SEMA4F: variants seen among roughly 807,000 people sequenced by gnomAD.
SEMA4F encodes ssemaphorin 4F.
A neutral mutation model predicts 78.4 loss-of-function variants in SEMA4F; 51 were observed. The ratio of observed to expected loss-of-function variants is 0.65; its 90% CI spans 0.52 to 0.82. The LOEUF is 0.82. Among genes scored for constraint, SEMA4F ranks in the 40% least tolerant of loss-of-function variants. The probability of loss-of-function intolerance (pLI) is 0.00; values close to 1 mark genes in which losing one functional copy is unlikely to be tolerated. For synonymous variants in SEMA4F, 418 were observed against 408.7 expected (o/e 1.02, Z -0.27); for missense variants, 938 against 1,014.4 (o/e 0.92, Z 1.02).
downstream of SEMA4F, among the ~76,000 whole-genome samples, chr2:74,684,207 G>A (rs1212659587): frequency 1.3e-5 from 2 of 151,790 alleles, no homozygotes; most frequent in African/African-American, 4.8e-5. Context: ...AAGGGAATAT[G>A]AACCTACAGG....
At chr2:74,679,440 G>A in intron 13 of SEMA4F, 106 bp downstream of exon 13, 1 of 1,461,680 alleles carries the variant, frequency 6.8e-7, no homozygotes, top group South Asian at 1.2e-5. Context: ...CCTGGAAGAT[G>A]TGGCAGCCAG....
At chr2:74,684,742 T>G (rs151306126), downstream of SEMA4F, among the ~76,000 whole-genome samples, 1,425 of 152,232 alleles carry the variant, frequency 9.4e-3, 8 homozygotes, top group Non-Finnish European at 0.014. Flanking sequence ...GGCAGGCAGA[T>G]CACTTGAGCC....
chr2:74,690,473 G>GATTC, the SEMA4F span, among the ~76,000 whole-genome samples: 5 of 151,486 alleles, frequency 3.3e-5, no homozygotes, highest in Non-Finnish European at 5.9e-5. Context: ...AGAATGAAGA[G>GATTC]AAATGAAGAT....
intron 5 of SEMA4F, among the ~76,000 whole-genome samples, chr2:74,669,346 T>A (rs970272007): frequency 2.0e-5 from 3 of 151,648 alleles, no homozygotes; most frequent in African/African-American, 7.3e-5. Context: ...AGTACTTTGG[T>A]AGGCCGAGGT....
intron 7 of SEMA4F, among the ~76,000 whole-genome samples, 195 bp downstream of exon 7, chr2:74,674,023 A>C (rs1685132418): frequency 6.6e-6 from 1 of 152,206 alleles, no homozygotes; most frequent in Non-Finnish European, 1.5e-5. Flanking sequence ...TACCCTTGTG[A>C]CACACTGTCT....
chr2:74,700,040 T>G, the SEMA4F span, among the ~76,000 whole-genome samples: 1 of 151,892 alleles, frequency 6.6e-6, no homozygotes, highest in Non-Finnish European at 1.5e-5. Context: ...GTGGAAGATA[T>G]GAGGAGAGTG....
At chr2:74,672,554 G>A (rs142571192) in intron 5 of SEMA4F, among the ~76,000 whole-genome samples, 2 of 152,220 alleles carry the variant, frequency 1.3e-5, no homozygotes, top group African/African-American at 4.8e-5. Flanking sequence ...CCTCCAGGGT[G>A]TTCATGACTT....
chr2:74,656,788 C>G, intron 2 of SEMA4F, 103 bp downstream of exon 2: 1 of 1,277,282 alleles, frequency 7.8e-7, no homozygotes, highest in Non-Finnish European at 1.1e-6. Flanking sequence ...AAAGATGTAA[C>G]AGCAGGGGTA....
downstream of SEMA4F, among the ~76,000 whole-genome samples, chr2:74,685,447 C>G (rs1443938106): frequency 6.6e-6 from 1 of 152,054 alleles, no homozygotes; most frequent in Non-Finnish European, 1.5e-5. Flanking sequence ...ATTCCTAGAA[C>G]TAGGAAAGAT....
chr2:74,662,313 T>C (rs1469236537), intron 4 of SEMA4F, among the ~76,000 whole-genome samples: 1 of 152,198 alleles, frequency 6.6e-6, no homozygotes, highest in Admixed American at 6.5e-5. Context: ...TTCTAAGGTT[T>C]CCAGTCCTCA....
At chr2:74,703,911 T>A in the SEMA4F span, among the ~76,000 whole-genome samples, 1 of 152,182 alleles carries the variant, frequency 6.6e-6, no homozygotes, top group Non-Finnish European at 1.5e-5. Flanking sequence ...GCCCCACTTG[T>A]GGTCTGTGTT....
At chr2:74,707,968 G>A in the SEMA4F span, among the ~76,000 whole-genome samples, 2 of 152,198 alleles carry the variant, frequency 1.3e-5, no homozygotes, top group Middle Eastern at 3.4e-3. Context: ...AGGATTAGAA[G>A]CAGCGCTGCT....
chr2:74,685,924 G>A (rs1258666360), downstream of SEMA4F, among the ~76,000 whole-genome samples: 1 of 152,090 alleles, frequency 6.6e-6, no homozygotes, highest in Admixed American at 6.6e-5. Context: ...CTTCTCAAAA[G>A]AAGACATTTA....
intron 5 of SEMA4F, among the ~76,000 whole-genome samples, chr2:74,663,779 G>A (rs893556811): frequency 6.6e-6 from 1 of 152,082 alleles, no homozygotes; most frequent in Non-Finnish European, 1.5e-5. Flanking sequence ...CTCACACTAG[G>A]TCCACCTCCA....
In SEMA4F at chr2:74,680,202, C is replaced by G. The variant is rs781517552; in HGVS notation, c.2306C>G (p.Ser769Cys). Residue 769 changes from serine (S) to cysteine (C), a missense_variant, in exon 14 of 14, where the codon TCC becomes TGC. Coordinates refer to ENST00000357877, the MANE Select transcript of SEMA4F (RefSeq NM_004263.5). ...CCTCTAGCCACATGTGATGAAACAT[C>G]CATCTAGAGCTGGGCAAATGACCAC... ...GAPLATCDET[S>C]I 5.6e-5 allele frequency: 88 copies of G among 1,564,348 alleles called. No individual in the cohort carries two copies. The highest frequency in any genetic ancestry group is 7.4e-5 in the Non-Finnish European group (85 of 1,150,780).
the SEMA4F span, among the ~76,000 whole-genome samples, chr2:74,698,626 C>T: frequency 5.9e-5 from 9 of 152,210 alleles, no homozygotes; most frequent in African/African-American, 1.9e-4. Context: ...AACCTTAGCA[C>T]AAAGGCCCTA....
intron 5 of SEMA4F, among the ~76,000 whole-genome samples, chr2:74,667,796 G>C (rs1228682977): frequency 6.6e-6 from 1 of 152,070 alleles, no homozygotes; most frequent in African/African-American, 2.4e-5. Context: ...AGTTCCTTAG[G>C]CTTCTACCTA....
At chr2:74,660,059 C>T in intron 4 of SEMA4F, among the ~76,000 whole-genome samples, 1 of 152,192 alleles carries the variant, frequency 6.6e-6, no homozygotes, top group East Asian at 1.9e-4. Flanking sequence ...CAACAAACAG[C>T]AACAATGACA....
At chr2:74,700,003 A>G in the SEMA4F span, among the ~76,000 whole-genome samples, 2 of 152,080 alleles carry the variant, frequency 1.3e-5, no homozygotes, top group Non-Finnish European at 2.9e-5. Flanking sequence ...TTTCAATGCT[A>G]ATGGAAAGAG....
Sources: allele counts gnomAD v4.1 joint callset (sites outside exome capture counted in the v4.1 genomes callset), GRCh38; gene constraint gnomAD v4.1.1; transcripts MANE v1.5; gene names NCBI Gene and HGNC (gene_info 2026-07-23, HGNC 2026-07-21).